DNAH3: variants seen among roughly 807,000 people sequenced by gnomAD.
DNAH3 encodes dynein axonemal heavy chain 3, also known as axonemal beta dynein heavy chain 3.
Under a neutral mutation model 432.5 loss-of-function variants are expected in DNAH3, and 332 were observed. The observed-to-expected ratio is 0.77, with a 90% CI of 0.70 to 0.84. The LOEUF is 0.84. DNAH3 is among the 40% of genes least tolerant of loss of function. DNAH3 has a pLI of 0.00. For synonymous variants in DNAH3, 1,956 were observed against 1,900.2 expected, an observed-to-expected ratio of 1.03 and a Z score of -0.76; for missense variants, 4,861 against 5,114.0, an observed-to-expected ratio of 0.95 and a Z score of 1.51.
chr16:21,136,823 A>G (rs148755325), intron 5 of DNAH3, among the ~76,000 whole-genome samples: 1 of 152,194 alleles, frequency 6.6e-6, no homozygotes, highest in East Asian at 1.9e-4. Context: ...GAGGTGGCAT[A>G]TCTGGTGACC....
At chr16:21,144,158 C>G (rs2092753789) in intron 3 of DNAH3, among the ~76,000 whole-genome samples, 1 of 152,072 alleles carries the variant, frequency 6.6e-6, no homozygotes, top group Non-Finnish European at 1.5e-5. Context: ...TCCAAGACAG[C>G]CCCCAATGAT....
At chr16:20,969,305 T>C (rs188087842) in intron 52 of DNAH3, among the ~76,000 whole-genome samples, 4 of 152,058 alleles carry the variant, frequency 2.6e-5, no homozygotes, top group Admixed American at 2.6e-4. Context: ...TGTGTGTGTG[T>C]GTGCATGCAT....
At chr16:21,049,949 T>C (rs748450303) in exon 30 of DNAH3, 1 of 1,614,240 alleles carries the variant, frequency 6.2e-7, no homozygotes, top group Non-Finnish European at 8.5e-7. Context: ...TGGTGGTTTC[T>C]GTCTTGCCAG....
At chr16:21,158,775 T>G in intron 1 of DNAH3, 1 of 153,568 alleles carries the variant, frequency 6.5e-6, no homozygotes, top group Non-Finnish European at 1.4e-5. Context: ...GGGGTGGGGG[T>G]CCGGGTGCCC....
intron 24 of DNAH3, among the ~76,000 whole-genome samples, chr16:21,065,430 G>A (rs939034528): frequency 2.6e-5 from 4 of 152,106 alleles, no homozygotes; most frequent in Non-Finnish European, 4.4e-5. Flanking sequence ...CAAAGTGCTA[G>A]GATTACAGGC....
At chr16:20,972,597 A>C (rs765394222) in intron 51 of DNAH3, among the ~76,000 whole-genome samples, 3 of 151,976 alleles carry the variant, frequency 2.0e-5, no homozygotes, top group Non-Finnish European at 4.4e-5. Context: ...ACAAGTGAAA[A>C]AGCATCTGTA....
chr16:21,058,456 T>C (rs2090214301), intron 26 of DNAH3, among the ~76,000 whole-genome samples: 1 of 152,204 alleles, frequency 6.6e-6, no homozygotes, highest in Non-Finnish European at 1.5e-5. Flanking sequence ...AATTTTTCCA[T>C]AGTTATAATC....
At chr16:20,987,789 G>T (rs2086275414) in exon 46 of DNAH3, 1 of 1,614,142 alleles carries the variant, frequency 6.2e-7, no homozygotes. Context: ...GAGTTGGCAA[G>T]AAGTTCTCCA....
chr16:20,971,976 T>C (rs1049358094), intron 51 of DNAH3, among the ~76,000 whole-genome samples: 1 of 152,176 alleles, frequency 6.6e-6, no homozygotes. Context: ...AGAGCAAAAA[T>C]TGAGCCCTGA....
At chr16:21,051,453 G>T (rs1318397028) in intron 29 of DNAH3, among the ~76,000 whole-genome samples, 1 of 152,148 alleles carries the variant, frequency 6.6e-6, no homozygotes, top group Non-Finnish European at 1.5e-5. Context: ...TCCACTTGTT[G>T]GTTCAAATAC....
chr16:21,131,806 A>G (rs2092566587), intron 7 of DNAH3, among the ~76,000 whole-genome samples: 1 of 148,946 alleles, frequency 6.7e-6, no homozygotes, highest in Non-Finnish European at 1.5e-5. Flanking sequence ...GTGAGCCAAG[A>G]TCGCGCCATT....
chr16:20,964,088 A>G (rs1281149063), exon 53 of DNAH3: 1 of 1,614,178 alleles, frequency 6.2e-7, no homozygotes, highest in Non-Finnish European at 8.5e-7. Context: ...AGCACTTTGG[A>G]GGAGGACAGA....
At chr16:21,019,516 C>T (rs1230501511) in intron 41 of DNAH3, 108 bp downstream of exon 41, 1 of 1,266,206 alleles carries the variant, frequency 7.9e-7, no homozygotes, top group Non-Finnish European at 1.1e-6. Context: ...CCGTGCCTGG[C>T]CTTCTGTGGC....
Position 21,027,077 on chromosome 16 carries a change from C to A in DNAH3, c.5490G>T (p.Leu1830=), listed in dbSNP as rs758457735. The change falls in exon 38 of 62, where the codon CTG becomes CTT. Residue 1830 remains leucine (L), a synonymous_variant. Coordinates refer to ENST00000261383, the Ensembl canonical transcript of DNAH3. ...GCTCGAGGTCGGCGGGCTCGAAGATCAGGCTCATCTTGGAGTTCATCTGGA... is the reference window on the plus strand; with the variant it reads ...GCTCGAGGTCGGCGGGCTCGAAGATAAGGCTCATCTTGGAGTTCATCTGGA... 5.6e-6 allele frequency: 9 copies of A among 1,613,752 alleles called. No homozygotes were observed. The African/African-American group carries it at 1.1e-4, about 19-fold the overall frequency.
rs149478251 is a variant in DNAH3, at chr16:21,018,953, C to T, written c.6022+671G>A. ...ATATTAATACCATAAGTACCCTATA[C>T]GAAGGCATGTCAACACACACAGAAA... On this transcript the variant is annotated intron_variant, in intron 41 of 61. Coordinates refer to ENST00000261383, the Ensembl canonical transcript of DNAH3. 4.7e-4 allele frequency among the ~76,000 whole-genome samples: 71 copies of T among 151,822 alleles called. No homozygotes were observed. In the East Asian group the frequency reaches 7.5e-3, roughly 16 times the overall value.
intron 10 of DNAH3, chr16:21,121,217 T>C (rs992518076): frequency 2.1e-5 from 8 of 377,386 alleles, no homozygotes; most frequent in African/African-American, 1.7e-4. Context: ...TCAGAGGGAG[T>C]GAGGAAAAGA....
chr16:21,142,736 C>A (rs1281773171), intron 3 of DNAH3, among the ~76,000 whole-genome samples: 2 of 151,390 alleles, frequency 1.3e-5, no homozygotes, highest in African/African-American at 4.9e-5. Context: ...TCACTGCAAC[C>A]TCAACCACCC....
intron 1 of DNAH3, chr16:21,158,705 C>T (rs965038113): frequency 2.0e-5 from 3 of 152,868 alleles, no homozygotes; most frequent in African/African-American, 7.2e-5. Context: ...CTCTTCGCTT[C>T]GCCTGCAAAC....
intron 44 of DNAH3, 70 bp downstream of exon 44, chr16:20,997,213 C>T (rs1195156158): frequency 6.5e-7 from 1 of 1,532,664 alleles, no homozygotes; most frequent in Non-Finnish European, 8.9e-7. Flanking sequence ...CACCAACCCA[C>T]CTTTCATAAA....
Sources: gnomAD v4.1 joint callset for allele counts (sites outside exome capture counted in the v4.1 genomes callset) on GRCh38, gnomAD v4.1.1 for gene constraint, MANE v1.5 for transcripts, NCBI Gene and HGNC (gene_info 2026-07-23, HGNC 2026-07-21) for gene names.